The following TASP1 variants were observed in gnomAD, a reference collection of about 807,000 sequenced individuals.
The protein encoded by TASP1 is threonine aspartase 1.
Under a neutral mutation model 56.6 loss-of-function variants are expected in TASP1, and 16 were observed. That is an observed-to-expected ratio of 0.28 (90% confidence interval 0.19 to 0.43). The LOEUF (loss-of-function observed/expected upper bound fraction) is 0.43. Among genes scored for constraint, TASP1 ranks in the 20% least tolerant of loss-of-function variants. TASP1 has a pLI of 1.00. For missense variants in TASP1, 393 were observed against 511.6 expected (o/e 0.77, Z 2.24); for synonymous variants, 179 against 184.2 (o/e 0.97, Z 0.23).
chr20:13,240,141 CCATT>C, the TASP1 span, among the ~76,000 whole-genome samples: 2 of 152,194 alleles, frequency 1.3e-5, 1 homozygote, highest in Non-Finnish European at 2.9e-5. Context: ...TTCTACAATT[CCATT>C]CATTCATTCA....
intron 9 of TASP1, among the ~76,000 whole-genome samples, chr20:13,530,101 G>C (rs1364022555): frequency 1.3e-5 from 2 of 152,112 alleles, no homozygotes; most frequent in Non-Finnish European, 2.9e-5. Flanking sequence ...ACCCAAATTT[G>C]TGAGCTGTTC....
intron 10 of TASP1, among the ~76,000 whole-genome samples, chr20:13,525,920 A>ATT (rs1246181501): frequency 1.3e-5 from 2 of 152,192 alleles, no homozygotes; most frequent in Non-Finnish European, 2.9e-5. Context: ...CTAAGTTAAA[A>ATT]AGCTACACTG....
chr20:13,438,310 T>C (rs1234632277), intron 11 of TASP1, among the ~76,000 whole-genome samples: 1 of 152,118 alleles, frequency 6.6e-6, no homozygotes, highest in Non-Finnish European at 1.5e-5. Context: ...AACAGAGATA[T>C]AGACCAATGG....
At chr20:13,575,550 G>A (rs1208547522) in intron 6 of TASP1, among the ~76,000 whole-genome samples, 3 of 152,266 alleles carry the variant, frequency 2.0e-5, no homozygotes, top group Middle Eastern at 6.8e-3. Context: ...TGATTGTGAG[G>A]CTTCGCCAGC....
At chr20:13,310,332 G>A in the TASP1 span, among the ~76,000 whole-genome samples, 1 of 152,122 alleles carries the variant, frequency 6.6e-6, no homozygotes, top group Non-Finnish European at 1.5e-5. Flanking sequence ...GGAAAGGGTG[G>A]TCTCTTCAAT....
the TASP1 span, among the ~76,000 whole-genome samples, chr20:13,241,261 G>T: frequency 6.6e-6 from 1 of 152,110 alleles, no homozygotes; most frequent in African/African-American, 2.4e-5. Context: ...GTGAGGAAAT[G>T]GAGACAGAAT....
At chr20:13,118,074 G>A in the TASP1 span, among the ~76,000 whole-genome samples, 1 of 152,130 alleles carries the variant, frequency 6.6e-6, no homozygotes, top group South Asian at 2.1e-4. Context: ...ATAATGGGGG[G>A]CCATATTTAA....
chr20:13,582,140 A>G (rs1259602381), intron 5 of TASP1, among the ~76,000 whole-genome samples: 1 of 150,434 alleles, frequency 6.6e-6, no homozygotes, highest in Non-Finnish European at 1.5e-5. Context: ...AAAAAAAAAG[A>G]AAAGCCCAAA....
chr20:13,203,079 G>T, the TASP1 span, among the ~76,000 whole-genome samples: 1 of 151,826 alleles, frequency 6.6e-6, no homozygotes, highest in South Asian at 2.1e-4. Context: ...TTCTAGAAGG[G>T]TTTTTTTTAA....
the TASP1 span, among the ~76,000 whole-genome samples, chr20:13,338,859 AT>A: frequency 6.6e-6 from 1 of 152,156 alleles, no homozygotes; most frequent in Non-Finnish European, 1.5e-5. Context: ...AGAGTAAGCA[AT>A]TGAATTGCTT....
the TASP1 span, among the ~76,000 whole-genome samples, chr20:13,204,360 T>A: frequency 2.0e-5 from 3 of 152,262 alleles, no homozygotes; most frequent in Non-Finnish European, 2.9e-5. Context: ...ATTTCCGGGA[T>A]CCCTTGTTGG....
At chr20:13,405,750 A>G (rs1432735803) in intron 13 of TASP1, among the ~76,000 whole-genome samples, 1 of 143,326 alleles carries the variant, frequency 7.0e-6, no homozygotes, top group East Asian at 2.0e-4. Flanking sequence ...TAGAGACGGG[A>G]TTCCACCATG....
the TASP1 span, among the ~76,000 whole-genome samples, chr20:13,170,783 C>T: frequency 6.6e-6 from 1 of 152,186 alleles, no homozygotes; most frequent in East Asian, 1.9e-4. Flanking sequence ...TCACATCGTG[C>T]TCTTACTTCA....
chr20:13,281,365 T>C, the TASP1 span, among the ~76,000 whole-genome samples: 5 of 152,248 alleles, frequency 3.3e-5, no homozygotes, highest in Middle Eastern at 0.017. Context: ...CCTTCACCTT[T>C]CCCAAAGGAA....
At chr20:13,186,506 A>G in the TASP1 span, among the ~76,000 whole-genome samples, 6 of 152,184 alleles carry the variant, frequency 3.9e-5, no homozygotes, top group Non-Finnish European at 8.8e-5. Context: ...CTACATTACC[A>G]GTAGAACAGT....
At chr20:13,319,540 G>A in the TASP1 span, among the ~76,000 whole-genome samples, 1 of 152,128 alleles carries the variant, frequency 6.6e-6, no homozygotes, top group African/African-American at 2.4e-5. Flanking sequence ...AGAAAAGAGA[G>A]AATGAAAGGA....
chr20:13,236,144 C>T, the TASP1 span, among the ~76,000 whole-genome samples: 40,570 of 151,814 alleles, frequency 0.27, 5,663 homozygotes, highest in African/African-American at 0.36. Context: ...AGAATGGTCT[C>T]GATCTCTTAA....
chr20:13,350,023 C>A, the TASP1 span, among the ~76,000 whole-genome samples: 2 of 152,048 alleles, frequency 1.3e-5, no homozygotes. Context: ...TGGTGGCATG[C>A]ACCTATAGTT....
intron 9 of TASP1, among the ~76,000 whole-genome samples, chr20:13,531,836 T>G (rs1397144789): frequency 6.6e-6 from 1 of 152,170 alleles, no homozygotes; most frequent in Non-Finnish European, 1.5e-5. Context: ...AGCTATTTTT[T>G]GTATTTTTAG....
Sources: gnomAD v4.1 joint callset for allele counts (sites outside exome capture counted in the v4.1 genomes callset) on GRCh38, gnomAD v4.1.1 for gene constraint, MANE v1.5 for transcripts, NCBI Gene and HGNC (gene_info 2026-07-23, HGNC 2026-07-21) for gene names.